Variants in PTDSS2 observed in about 807,000 individuals in gnomAD.
The protein encoded by PTDSS2 is PSS-2.
Under a neutral mutation model 64.7 loss-of-function variants are expected in PTDSS2, and 41 were observed. The ratio of observed to expected loss-of-function variants is 0.63; its 90% CI spans 0.49 to 0.82. The LOEUF (loss-of-function observed/expected upper bound fraction) is 0.82, where lower values mean the gene tolerates loss of function less well. PTDSS2 is among the 40% of genes least tolerant of loss of function. The probability of loss-of-function intolerance (pLI) is 0.00; values close to 1 mark genes in which losing one functional copy is unlikely to be tolerated. For synonymous variants in PTDSS2, 297 were observed against 277.8 expected, an observed-to-expected ratio of 1.07 and a Z score of -0.69; for missense variants, 485 against 650.0, an observed-to-expected ratio of 0.75 and a Z score of 2.76.
At chr11:468,007 A>G (rs185733398) in intron 2 of PTDSS2, among the ~76,000 whole-genome samples, 34 of 152,208 alleles carry the variant, frequency 2.2e-4, no homozygotes, top group African/African-American at 7.7e-4. Flanking sequence ...GTCACAGCAC[A>G]CACACATGGT....
chr11:480,422 C>G (rs1161346455), intron 4 of PTDSS2: 1 of 37,734 alleles, frequency 2.7e-5, no homozygotes. Context: ...CAGGATCATG[C>G]GGTGGGCAGC....
At chr11:490,395 G>A (rs763414215) in intron 11 of PTDSS2, 25 bp from the exon 12 acceptor site, 1 of 1,612,966 alleles carries the variant, frequency 6.2e-7, no homozygotes, top group Admixed American at 1.7e-5. Context: ...GGGGGCAGGT[G>A]GTGACGCTGC....
chr11:474,514 A>C (rs1474693267), intron 3 of PTDSS2, among the ~76,000 whole-genome samples: 2 of 151,934 alleles, frequency 1.3e-5, no homozygotes, highest in African/African-American at 4.8e-5. Context: ...GGTGCCGCCC[A>C]CCCCCTGCCC....
At chr11:468,683 G>A (rs1185160395) in intron 2 of PTDSS2, among the ~76,000 whole-genome samples, 1 of 152,266 alleles carries the variant, frequency 6.6e-6, no homozygotes, top group Non-Finnish European at 1.5e-5. Flanking sequence ...CTCTGTCACT[G>A]TGGTGTGTAT....
chr11:479,884 T>C lies in PTDSS2; in HGVS notation c.435+732T>C, dbSNP rs1847991347. Among the ~76,000 whole-genome samples, 1 of 152,242 alleles carries C rather than the reference T, an allele frequency of 6.6e-6. No individual in the cohort carries two copies. Among genetic ancestry groups the C allele is most frequent in the Admixed American group, 6.5e-5 (1 of 15,284 alleles). ...GCTGTCTTCAGCTTACAAAGGACTT[T>C]ATTATTCCCAATCTTAAAACTCCAT... On this transcript the variant is annotated intron_variant, in intron 4 of 11. Transcript: ENST00000308020. This position sits in a 1 kb window ranked among gnomAD's most constrained non-coding sequence, Gnocchi z 4.2.
rs1565001208 is a variant in PTDSS2 at position 490,448 on chromosome 11, CGGTGGCAGA to C, written c.1331_1339del (p.Arg444_Lys447delinsGln). 6.2e-7 allele frequency: 1 copy of C among 1,613,238 alleles called. No individual in the cohort carries two copies. The highest frequency in any genetic ancestry group is 8.5e-7 in the Non-Finnish European group (1 of 1,179,954). ...CATCACATTGAGGTACAAGGAGACC[CGGTGGCAGA>C]AGTGGCAGAACAAGGATGACCAGGG... On this transcript the variant is annotated inframe_deletion, in exon 12 of 12. Coordinates refer to ENST00000308020, the MANE Select transcript of PTDSS2 (RefSeq NM_030783.3).
At chr11:456,283 C>T (rs866006113) in intron 1 of PTDSS2, among the ~76,000 whole-genome samples, 5 of 150,276 alleles carry the variant, frequency 3.3e-5, no homozygotes, top group African/African-American at 9.8e-5. Context: ...AGTAATCTCC[C>T]CTCACCCTCC....
intron 1 of PTDSS2, chr11:451,486 A>T: frequency 2.5e-6 from 1 of 397,994 alleles, no homozygotes; most frequent in South Asian, 1.7e-5. Flanking sequence ...GCTCTTCTTG[A>T]CTGCAAGGTG....
intron 4 of PTDSS2, chr11:480,604 G>GC (rs1299565084): frequency 6.4e-6 from 1 of 155,890 alleles, no homozygotes; most frequent in Admixed American, 6.5e-5. Flanking sequence ...TGTCACCCAG[G>GC]CTGGAGTGCA....
In PTDSS2 at chr11:487,112, G is replaced by GT. The variant is rs763005437; in HGVS notation, c.570+40dup. The GT allele has an allele frequency of 9.5e-6, 15 of 1,581,436 alleles. No homozygotes were observed. The East Asian group carries it at 2.9e-4, about 31-fold the overall frequency. Reference sequence around the variant, plus strand: ...GGCCCTGAGGCGAGCCCCTCCCCAGGTGTGGCCCCGTGCCGGACCAGGCGC... The same window carrying GT: ...GGCCCTGAGGCGAGCCCCTCCCCAGGTTGTGGCCCCGTGCCGGACCAGGCGC... On this transcript the variant is annotated intron_variant, in intron 5 of 11. Transcript: ENST00000308020.
At chr11:459,303 C>G (rs891248085) in intron 1 of PTDSS2, 4 of 130,822 alleles carry the variant, frequency 3.1e-5, no homozygotes, top group African/African-American at 1.3e-4. Context: ...AGGACACACT[C>G]CGGTGGATGT....
At chr11:473,473 G>T (rs989021494) in intron 2 of PTDSS2, among the ~76,000 whole-genome samples, 59 of 152,238 alleles carry the variant, frequency 3.9e-4, no homozygotes, top group African/African-American at 1.4e-3. Flanking sequence ...TGTAGAGCCA[G>T]TGTCTTCCTG....
At chr11:481,486 T>C (rs912703686) in intron 4 of PTDSS2, among the ~76,000 whole-genome samples, 2 of 152,226 alleles carry the variant, frequency 1.3e-5, no homozygotes, top group African/African-American at 4.8e-5. Context: ...TCCTTGAAGA[T>C]GGGATGGCTT....
In PTDSS2 at chr11:475,140, GTGTGATACGGACATATTCACGCGTT is replaced by G. The variant is rs1564979652; in HGVS notation, c.367+1190_367+1214del. On this transcript the variant is annotated intron_variant, in intron 3 of 11. Transcript: ENST00000308020. ...GTGATACGGACATATTCACGCGTTT[GTGTGATACGGACATATTCACGCGTT>G]TGTGATACGGACATATTCACGCGTT... Among the ~76,000 whole-genome samples, 6 of 71,756 alleles carry G rather than the reference GTGTGATACGGACATATTCACGCGTT, an allele frequency of 8.4e-5. No homozygotes were observed. The South Asian group carries it at 1.0e-3, about 13-fold the overall frequency. 47.1% of individuals were successfully genotyped at this position (71,756 alleles called of 152,430 possible). A position where few individuals can be genotyped will look rare whatever the true frequency, so the allele number is the denominator to read the frequency against.
chr11:486,460 C>CG (rs975258499), intron 4 of PTDSS2, among the ~76,000 whole-genome samples: 1 of 152,224 alleles, frequency 6.6e-6, no homozygotes, highest in Non-Finnish European at 1.5e-5. Flanking sequence ...CTTCCCCACG[C>CG]GCTGCCCCAC....
intron 2 of PTDSS2, 52 bp from the exon 3 acceptor site, chr11:473,843 C>T: frequency 7.1e-7 from 1 of 1,414,922 alleles, no homozygotes; most frequent in South Asian, 1.1e-5. Flanking sequence ...TCCCACCTCC[C>T]TCCTGGGAGA....
In PTDSS2 at chr11:490,608, C is replaced by T; in HGVS notation, c.*26C>T. ...CCTGGGCCGTGGCTGCCTCGTGAGC[C>T]TCCCAGAGCCCAGGCCTCCGTGGCC... On this transcript the variant is annotated 3_prime_UTR_variant, in exon 12 of 12. Coordinates refer to ENST00000308020, the MANE Select transcript of PTDSS2 (RefSeq NM_030783.3). 1 of 1,553,162 alleles carries T rather than the reference C, an allele frequency of 6.4e-7. No individual in the cohort carries two copies. Among genetic ancestry groups the T allele is most frequent in the Non-Finnish European group, 8.7e-7 (1 of 1,147,576 alleles).
In PTDSS2 at chr11:490,586, G is replaced by C. The variant is rs1161480580; in HGVS notation, c.*4G>C. 5.1e-6 allele frequency: 8 copies of C among 1,581,586 alleles called. No homozygotes were observed. Among genetic ancestry groups the C allele is most frequent in the Non-Finnish European group, 6.9e-6 (8 of 1,163,992 alleles). ...GGGAGCACCAACTCCAAACTGACCT[G>C]GGCCGTGGCTGCCTCGTGAGCCTCC... On this transcript the variant is annotated 3_prime_UTR_variant, in exon 12 of 12. Transcript: ENST00000308020.
chr11:457,169 A>T (rs895258988), intron 1 of PTDSS2, among the ~76,000 whole-genome samples: 15 of 152,246 alleles, frequency 9.9e-5, no homozygotes, highest in Non-Finnish European at 1.8e-4. Flanking sequence ...CTCCACCTGC[A>T]GTCCTGCAGC....
Sources: gnomAD v4.1 joint callset for allele counts (sites outside exome capture counted in the v4.1 genomes callset) on GRCh38, gnomAD v4.1.1 for gene constraint, Gnocchi (gnomAD v3.1) non-coding constraint, MANE v1.5 for transcripts, NCBI Gene and HGNC (gene_info 2026-07-23, HGNC 2026-07-21) for gene names.